Variants in TUBGCP3 observed in about 807,000 individuals in gnomAD.
TUBGCP3 encodes the protein tubulin gamma complex component 3.
In TUBGCP3, 50 loss-of-function variants were observed where a neutral mutation model predicts 123.1. The observed-to-expected ratio is 0.41, with a 90% CI of 0.32 to 0.51. TUBGCP3 has a LOEUF of 0.51. Ranked by LOEUF, TUBGCP3 falls within the 20% of genes least tolerant of loss-of-function variation. The probability of loss-of-function intolerance (pLI) is 0.36; values close to 1 mark genes in which losing one functional copy is unlikely to be tolerated. For missense variants in TUBGCP3, 882 were observed against 1,127.0 expected (o/e 0.78, Z 3.11); for synonymous variants, 405 against 413.9 (o/e 0.98, Z 0.26).
intron 17 of TUBGCP3, among the ~76,000 whole-genome samples, chr13:112,512,132 A>C (rs1245363410): frequency 1.3e-5 from 2 of 152,210 alleles, no homozygotes; most frequent in Admixed American, 1.3e-4. Context: ...CCATCATCTT[A>C]AACAGTGGCT....
upstream of TUBGCP3, among the ~76,000 whole-genome samples, chr13:112,590,423 T>C (rs932022469): frequency 1.1e-4 from 17 of 152,200 alleles, no homozygotes; most frequent in Middle Eastern, 3.4e-3. Flanking sequence ...CAGAATATAA[T>C]GCAAGGAAAC....
chr13:112,538,267 C>G (rs1445076680), intron 11 of TUBGCP3, among the ~76,000 whole-genome samples: 1 of 152,214 alleles, frequency 6.6e-6, no homozygotes, highest in Non-Finnish European at 1.5e-5. Context: ...GATTCTCTGA[C>G]TGGGGATGCT....
chr13:112,569,038 A>C (rs1394662732), intron 2 of TUBGCP3, 114 bp downstream of exon 2: 8 of 866,308 alleles, frequency 9.2e-6, no homozygotes, highest in Non-Finnish European at 1.4e-5. Context: ...TTTTGTACCA[A>C]TATTAAAATG....
rs937350602 is a variant in TUBGCP3 at position 112,485,432 on chromosome 13, G to A, written c.*561C>T. On this transcript the variant is annotated 3_prime_UTR_variant, in exon 22 of 22. Coordinates refer to ENST00000261965, the MANE Select transcript of TUBGCP3 (RefSeq NM_006322.6). ...AAGGAGAGAAAATAAGAATAAATAT[G>A]TGTAAAGGTAATGCATTAAGATACA... 7.9e-5 allele frequency: 12 copies of A among 152,478 alleles called. No individual in the cohort carries two copies. Among genetic ancestry groups the A allele is most frequent in the African/African-American group, 2.7e-4 (11 of 41,406 alleles). The allele number at this position is 152,478 out of a possible 1,614,324, so 9.4% of individuals were successfully genotyped here.
chr13:112,506,008 T>C (rs1881282757), intron 17 of TUBGCP3, among the ~76,000 whole-genome samples: 1 of 152,116 alleles, frequency 6.6e-6, no homozygotes, highest in Non-Finnish European at 1.5e-5. Flanking sequence ...ATATACATTA[T>C]ATACCAGCAC....
chr13:112,585,361 G>A (rs760300040), intron 1 of TUBGCP3, among the ~76,000 whole-genome samples: 4 of 152,190 alleles, frequency 2.6e-5, no homozygotes, highest in Non-Finnish European at 4.4e-5. Context: ...AAATTCTTCA[G>A]TAAATAGCAG....
In TUBGCP3 at chr13:112,519,134, C is replaced by A; in HGVS notation, c.1882-91G>T. 9.6e-7 allele frequency: 1 copy of A among 1,041,762 alleles called. No individual in the cohort carries two copies. The highest frequency in any genetic ancestry group is 1.5e-6 in the Non-Finnish European group (1 of 670,016). The allele number at this position is 1,041,762 out of a possible 1,614,324, so 64.5% of individuals were successfully genotyped here. Reference sequence around the variant, plus strand: ...AAAGAAAAAGCAGTAAAATAATGCCCAATTGTTAAAAACTGCTCAACAGTT... The same window carrying A: ...AAAGAAAAAGCAGTAAAATAATGCCAAATTGTTAAAAACTGCTCAACAGTT... On this transcript the variant is annotated intron_variant, in intron 15 of 21. Transcript: ENST00000261965. The surrounding 1 kb of genome is among the most constrained non-coding windows in gnomAD (Gnocchi z 6.2).
intron 8 of TUBGCP3, among the ~76,000 whole-genome samples, chr13:112,553,509 C>G (rs1244865671): frequency 2.6e-5 from 4 of 152,378 alleles, no homozygotes; most frequent in African/African-American, 9.6e-5. Context: ...TGCCCCCTGT[C>G]AGGCTCCAAC....
At chr13:112,566,228 T>A (rs965975457) in intron 2 of TUBGCP3, among the ~76,000 whole-genome samples, 1 of 152,186 alleles carries the variant, frequency 6.6e-6, no homozygotes, top group Non-Finnish European at 1.5e-5. Flanking sequence ...ACTGCAAACA[T>A]CACCTGTGCA....
At position 112,558,237 on chromosome 13, in the gene TUBGCP3, G is replaced by A. The variant is rs772023060; in HGVS notation, c.507C>T (p.Ala169=). The A allele has an allele frequency of 6.2e-6, 10 of 1,612,150 alleles. No individual in the cohort carries two copies. The East Asian group carries it at 6.7e-5, about 11-fold the overall frequency. Reference sequence around the variant, plus strand: ...GTGGCGCAGGCGCGGGGCCACTGAGGGCACACAGGCCAATGCTGCTGATGC... The same window carrying A: ...GTGGCGCAGGCGCGGGGCCACTGAGAGCACACAGGCCAATGCTGCTGATGC... The part of the protein sequence containing the change: ...SSGISSIGLC[A]LSGPAPAPQS... The change falls in exon 5 of 22, where the codon GCC becomes GCT. Residue 169 remains alanine (A), a synonymous_variant. Coordinates refer to ENST00000261965, the MANE Select transcript of TUBGCP3 (RefSeq NM_006322.6).
chr13:112,590,594 C>T (rs1233103948), upstream of TUBGCP3, among the ~76,000 whole-genome samples: 1 of 152,092 alleles, frequency 6.6e-6, no homozygotes, highest in Non-Finnish European at 1.5e-5. Context: ...AGAAGAGCAG[C>T]AGCCTTGGCG....
chr13:112,550,894 T>A (rs368055795), intron 8 of TUBGCP3, among the ~76,000 whole-genome samples: 1,628 of 152,138 alleles, frequency 0.011, 25 homozygotes, highest in Admixed American at 0.037. Flanking sequence ...GTCAGGAGAT[T>A]AAGACCATCC....
At chr13:112,567,431 G>A (rs980361991) in intron 2 of TUBGCP3, among the ~76,000 whole-genome samples, 1 of 152,180 alleles carries the variant, frequency 6.6e-6, no homozygotes, top group Non-Finnish European at 1.5e-5. Context: ...GAAATGGTCT[G>A]TTTATCACAG....
chr13:112,502,207 A>G (rs1880952534), intron 19 of TUBGCP3, among the ~76,000 whole-genome samples: 3 of 152,232 alleles, frequency 2.0e-5, no homozygotes, highest in Admixed American at 2.0e-4. Context: ...AGAGACTAGG[A>G]CCATGCCCTT....
chr13:112,568,306 C>T (rs377180639), intron 2 of TUBGCP3, among the ~76,000 whole-genome samples: 1 of 151,364 alleles, frequency 6.6e-6, no homozygotes, highest in East Asian at 2.0e-4. Context: ...TATTGAGACC[C>T]AAGGCCAAAT....
At chr13:112,487,053 A>ATGTGCG (rs1879720047) in intron 21 of TUBGCP3, among the ~76,000 whole-genome samples, 1 of 147,506 alleles carries the variant, frequency 6.8e-6, no homozygotes, top group African/African-American at 2.5e-5. Context: ...AACACTGTGT[A>ATGTGCG]TGTGTGTGTG....
chr13:112,551,460 A>C (rs1222506057), intron 8 of TUBGCP3, among the ~76,000 whole-genome samples: 1 of 152,234 alleles, frequency 6.6e-6, no homozygotes, highest in Non-Finnish European at 1.5e-5. Context: ...GCAAGGCATA[A>C]ATTAGGGCAC....
chr13:112,526,558 T>C (rs904057002), intron 13 of TUBGCP3, among the ~76,000 whole-genome samples: 1 of 146,752 alleles, frequency 6.8e-6, no homozygotes, highest in Non-Finnish European at 1.5e-5. Flanking sequence ...ATCCCCAACA[T>C]CATCACATCA....
intron 13 of TUBGCP3, among the ~76,000 whole-genome samples, chr13:112,523,608 A>T (rs1876806681): frequency 6.6e-6 from 1 of 152,152 alleles, no homozygotes; most frequent in African/African-American, 2.4e-5. Context: ...CGTAGTTTTA[A>T]TGACATAAAG....
Sources: gnomAD v4.1 joint callset for allele counts (sites outside exome capture counted in the v4.1 genomes callset) on GRCh38, gnomAD v4.1.1 for gene constraint, Gnocchi (gnomAD v3.1) non-coding constraint, MANE v1.5 for transcripts, NCBI Gene and HGNC (gene_info 2026-07-23, HGNC 2026-07-21) for gene names.